EGLN1: variants seen among roughly 807,000 people sequenced by gnomAD.
The protein encoded by EGLN1 is egl-9 family hypoxia inducible factor 1.
A neutral mutation model predicts 38.3 loss-of-function variants in EGLN1; 17 were observed. That is an observed-to-expected ratio of 0.44 (90% CI 0.30 to 0.67). The LOEUF (loss-of-function observed/expected upper bound fraction) is 0.67. Ranked by LOEUF, EGLN1 falls within the 30% of genes least tolerant of loss-of-function variation. EGLN1 has a pLI of 0.08. For synonymous variants in EGLN1, 283 were observed against 257.5 expected (o/e 1.10, Z -0.95); for missense variants, 477 against 603.3 (o/e 0.79, Z 2.19).
In EGLN1 at chr1:231,409,922, G is replaced by A. The variant is rs1475907256; in HGVS notation, c.891+11076C>T. Among the ~76,000 whole-genome samples, 2 of 152,138 alleles carry A rather than the reference G, an allele frequency of 1.3e-5. 1 individual carries two copies. Among genetic ancestry groups the A allele is most frequent in the East Asian group, 3.9e-4 (2 of 5,154 alleles). The stretch of plus-strand genomic sequence containing the variant: ...AAAATCAGAGAGCAATTAAGTAGCA[G>A]AAGAGCTTCAACACAGGCAAACTAG... On this transcript the variant is annotated intron_variant, in intron 1 of 4. Coordinates refer to ENST00000366641, the MANE Select transcript of EGLN1 (RefSeq NM_022051.3).
Position 231,406,314 on chromosome 1 carries a change from G to A in EGLN1, c.891+14684C>T, listed in dbSNP as rs150030656. On this transcript the variant is annotated intron_variant, in intron 1 of 4. Coordinates refer to ENST00000366641, the MANE Select transcript of EGLN1 (RefSeq NM_022051.3). Reference sequence around the variant, plus strand: ...AGGAAAAAGAGAATCATAAGCCAGTGTTAATTATTAGTGATAAAGACTCTC... The same window carrying A: ...AGGAAAAAGAGAATCATAAGCCAGTATTAATTATTAGTGATAAAGACTCTC... 7.4e-4 allele frequency among the ~76,000 whole-genome samples: 113 copies of A among 152,194 alleles called. 2 individuals are homozygous for A. In the East Asian group the frequency reaches 0.018, roughly 24 times the overall value.
intron 3 of EGLN1, among the ~76,000 whole-genome samples, chr1:231,369,020 C>T (rs1217543867): frequency 6.6e-6 from 1 of 152,164 alleles, no homozygotes; most frequent in Non-Finnish European, 1.5e-5. Flanking sequence ...AATCAGAATT[C>T]TAATATCTGG....
rs981100765 is a variant in EGLN1, at chr1:231,367,644, A to G, written c.1149-8T>C. 1.9e-6 allele frequency: 3 copies of G among 1,612,434 alleles called. No homozygotes were observed. The East Asian group carries it at 6.7e-5, about 36-fold the overall frequency. ...CAAACAGTTATTGCGTACCTAAAAG[A>G]AAATTTAGAATAGGATAAGAATGAT... On this transcript the variant is annotated splice_polypyrimidine_tract_variant and splice_region_variant and intron_variant, in intron 3 of 4. Transcript: ENST00000366641.
chr1:231,389,671 G>C (rs1023189352), intron 1 of EGLN1, among the ~76,000 whole-genome samples: 1 of 152,112 alleles, frequency 6.6e-6, no homozygotes, highest in East Asian at 1.9e-4. Context: ...GGCTCTGACC[G>C]GGTGCGGTGG....
rs951864209 is a variant in EGLN1, at chr1:231,390,922, A to G, written c.892-16823T>C. Among the ~76,000 whole-genome samples, 8 of 151,630 alleles carry G rather than the reference A, an allele frequency of 5.3e-5. No individual in the cohort carries two copies. The East Asian group carries it at 1.5e-3, about 29-fold the overall frequency. ...GAGATCAGTGGCGTGATCATAGCTC[A>G]CCGCAACGTCAAACTCCTGAGCTCA... On this transcript the variant is annotated intron_variant, in intron 1 of 4. Coordinates refer to ENST00000366641, the MANE Select transcript of EGLN1 (RefSeq NM_022051.3).
intron 1 of EGLN1, among the ~76,000 whole-genome samples, chr1:231,379,232 G>A (rs747721936): frequency 1.3e-5 from 2 of 152,270 alleles, no homozygotes; most frequent in East Asian, 1.9e-4. Context: ...ATCCAGACTC[G>A]TAAGCGGCCC....
intron 1 of EGLN1, among the ~76,000 whole-genome samples, chr1:231,391,658 CAT>C (rs1270072480): frequency 3.9e-5 from 6 of 152,120 alleles, no homozygotes; most frequent in African/African-American, 7.2e-5. Context: ...AATAAGAGCA[CAT>C]GAGACTATCT....
At chr1:231,382,779 C>A (rs1008601046) in intron 1 of EGLN1, among the ~76,000 whole-genome samples, 4 of 151,914 alleles carry the variant, frequency 2.6e-5, no homozygotes, top group African/African-American at 9.7e-5. Context: ...CTTGGCAGGC[C>A]GGGCATGGTG....
intron 1 of EGLN1, 89 bp from the exon 2 acceptor site, chr1:231,374,188 C>A (rs1430022259): frequency 1.3e-5 from 15 of 1,117,270 alleles, no homozygotes; most frequent in Non-Finnish European, 1.9e-5. Flanking sequence ...TTTTTGGCTA[C>A]TGATTTACAC....
Position 231,421,160 on chromosome 1 carries a change from C to G in EGLN1, c.729G>C (p.Gln243His). ...GGATGTCCTTGGACGAGTCACTCTT[C>G]TGGCTGACCAGCTGCCCGTCCGTGA... ...GKFTDGQLVS[Q>H]KSDSSKDIRG... Residue 243 changes from glutamine (Q) to histidine (H), a missense_variant, in exon 1 of 5, where the codon CAG becomes CAC. Coordinates refer to ENST00000366641, the MANE Select transcript of EGLN1 (RefSeq NM_022051.3). This position sits in a 1 kb window ranked among gnomAD's most constrained non-coding sequence, Gnocchi z 5.5. 1.2e-6 allele frequency: 2 copies of G among 1,614,210 alleles called. No homozygotes were observed. Among genetic ancestry groups the G allele is most frequent in the Non-Finnish European group, 1.7e-6 (2 of 1,180,028 alleles).
At position 231,422,247 on chromosome 1, in the gene EGLN1, C is replaced by G. The variant is rs1656662092; in HGVS notation, c.-359G>C. The G allele has an allele frequency of 1.2e-5, 2 of 171,576 alleles. No individual in the cohort carries two copies. Among genetic ancestry groups the G allele is most frequent in the East Asian group, 1.6e-4 (1 of 6,062 alleles). The allele number at this position is 171,576 out of a possible 1,614,324, so 10.6% of individuals were successfully genotyped here. A position where few individuals can be genotyped will look rare whatever the true frequency, so the allele number is the denominator to read the frequency against. ...AGCGTCCCGGGCGGCCCGGCCCAGG[C>G]TGTGGAGGAGCGCAGGGCATACGGG... On this transcript the variant is annotated 5_prime_UTR_variant, in exon 1 of 5. Transcript: ENST00000366641.
chr1:231,371,748 A>T (rs1687828917), intron 2 of EGLN1, among the ~76,000 whole-genome samples: 1 of 152,216 alleles, frequency 6.6e-6, no homozygotes, highest in South Asian at 2.1e-4. Flanking sequence ...GGGGATAGGC[A>T]AAACCCAACC....
chr1:231,410,776 A>G (rs1468159776), intron 1 of EGLN1, among the ~76,000 whole-genome samples: 1 of 149,286 alleles, frequency 6.7e-6, no homozygotes, highest in Admixed American at 6.8e-5. Context: ...GACCCAGGCT[A>G]GTAAATGGGT....
chr1:231,383,408 C>T (rs568386316), intron 1 of EGLN1, among the ~76,000 whole-genome samples: 81 of 152,270 alleles, frequency 5.3e-4, no homozygotes, highest in Non-Finnish European at 1.1e-3. Flanking sequence ...AACACCAGAA[C>T]AGAGTCTTAC....
chr1:231,414,474 G>A (rs1384335503), intron 1 of EGLN1, among the ~76,000 whole-genome samples: 1 of 152,164 alleles, frequency 6.6e-6, no homozygotes, highest in African/African-American at 2.4e-5. Flanking sequence ...AACACAGAGT[G>A]GGAAGACAGC....
chr1:231,387,265 TTAAA>T (rs1237341209), intron 1 of EGLN1, among the ~76,000 whole-genome samples: 4 of 120,422 alleles, frequency 3.3e-5, no homozygotes, highest in South Asian at 5.5e-4. Context: ...ACCCCCCTAA[TTAAA>T]TAAAGACAGA....
intron 1 of EGLN1, among the ~76,000 whole-genome samples, chr1:231,410,135 T>C (rs893013487): frequency 6.6e-5 from 10 of 152,158 alleles, no homozygotes; most frequent in Non-Finnish European, 5.9e-5. Context: ...CTCACACATA[T>C]GGAATGGAAA....
chr1:231,391,092 T>TTTGTGTGTGTGTGTG (rs1553353098), intron 1 of EGLN1, among the ~76,000 whole-genome samples: 2 of 67,368 alleles, frequency 3.0e-5, no homozygotes, highest in African/African-American at 9.5e-5. Flanking sequence ...TGTTTTTTTT[T>TTTGTGTGTGTGTGTG]TGTGTGTGTG....
chr1:231,400,095 G>A (rs1283463593), intron 1 of EGLN1, among the ~76,000 whole-genome samples: 2 of 152,074 alleles, frequency 1.3e-5, no homozygotes, highest in African/African-American at 2.4e-5. Context: ...GTATTAGAAG[G>A]CCTTTTTGCT....
Sources: gnomAD v4.1 joint callset for allele counts (sites outside exome capture counted in the v4.1 genomes callset) on GRCh38, gnomAD v4.1.1 for gene constraint, Gnocchi (gnomAD v3.1) non-coding constraint, MANE v1.5 for transcripts, NCBI Gene and HGNC (gene_info 2026-07-23, HGNC 2026-07-21) for gene names.